EXOSC4: variants seen among roughly 807,000 people sequenced by gnomAD.
EXOSC4 encodes the protein exosome complex component RRP41.
EXOSC4 carries 14 observed loss-of-function variants against 20.0 expected under a neutral mutation model. The ratio of observed to expected loss-of-function variants is 0.70; its 90% CI spans 0.46 to 1.09. EXOSC4 has a LOEUF of 1.09. Among genes scored for constraint, EXOSC4 ranks in the 50% least tolerant of loss-of-function variants. EXOSC4 has a pLI of 0.00. For synonymous variants in EXOSC4, 148 were observed against 146.4 expected (o/e 1.01, Z -0.08); for missense variants, 337 against 334.0 (o/e 1.01, Z -0.07).
At chr8:144,067,687 T>C in the EXOSC4 span, among the ~76,000 whole-genome samples, 1 of 151,996 alleles carries the variant, frequency 6.6e-6, no homozygotes, top group African/African-American at 2.4e-5. Flanking sequence ...GAAGGTGAAA[T>C]AAAGACAGTT....
chr8:144,073,323 T>A, the EXOSC4 span, among the ~76,000 whole-genome samples: 1 of 152,058 alleles, frequency 6.6e-6, no homozygotes, highest in Non-Finnish European at 1.5e-5. Flanking sequence ...GAGGCGAAGA[T>A]TGCAGTGAGT....
the EXOSC4 span, among the ~76,000 whole-genome samples, chr8:144,066,700 T>C: frequency 6.6e-6 from 1 of 151,992 alleles, no homozygotes; most frequent in African/African-American, 2.4e-5. Context: ...CACCTTGGCC[T>C]CCCAAAGTGC....
At chr8:144,072,795 G>A in the EXOSC4 span, among the ~76,000 whole-genome samples, 17 of 152,306 alleles carry the variant, frequency 1.1e-4, no homozygotes, top group East Asian at 3.9e-4. Flanking sequence ...TTCATCCACC[G>A]ATGGACACGT....
Position 144,078,728 on chromosome 8 carries a change from C to G in EXOSC4, c.-1C>G. On this transcript the variant is annotated 5_prime_UTR_variant, in exon 1 of 3. Coordinates refer to ENST00000316052, the MANE Select transcript of EXOSC4 (RefSeq NM_019037.3). The surrounding 1 kb of genome is among the most constrained non-coding windows in gnomAD (Gnocchi z 4.7). ...GAGAGCGGACCTGGCGGCCGGGCAG[C>G]ATGGCGGGGCTGGAGCTCTTGTCGG... The G allele has an allele frequency of 1.4e-6, 2 of 1,452,784 alleles. No homozygotes were observed. The highest frequency in any genetic ancestry group is 1.8e-6 in the Non-Finnish European group (2 of 1,099,814). 90.0% of individuals were successfully genotyped at this position (1,452,784 alleles called of 1,614,324 possible).
At chr8:144,064,596 G>C in the EXOSC4 span, among the ~76,000 whole-genome samples, 1 of 152,208 alleles carries the variant, frequency 6.6e-6, no homozygotes. Flanking sequence ...GCCTGTTTCT[G>C]GGGGCACAGG....
chr8:144,074,804 C>T (rs1554762553), upstream of EXOSC4, among the ~76,000 whole-genome samples: 1 of 150,952 alleles, frequency 6.6e-6, no homozygotes, highest in African/African-American at 2.4e-5. Flanking sequence ...GGACACCTGG[C>T]CTCAAGCGAT....
the EXOSC4 span, among the ~76,000 whole-genome samples, chr8:144,064,142 T>G: frequency 6.6e-6 from 1 of 152,234 alleles, no homozygotes; most frequent in Admixed American, 6.5e-5. Flanking sequence ...AAATGGCCAG[T>G]GGGTGCCCAG....
chr8:144,078,927 G>A lies in EXOSC4; in HGVS notation c.171+28G>A. On this transcript the variant is annotated intron_variant, in intron 1 of 2. Coordinates refer to ENST00000316052, the MANE Select transcript of EXOSC4 (RefSeq NM_019037.3). This position sits in a 1 kb window ranked among gnomAD's most constrained non-coding sequence, Gnocchi z 4.7. ...GAGTGGGCGCGCGGGATGGGGAATC[G>A]TGTGGCCGTGGGAGCTGCGGGGCAG... 11 of 1,449,440 alleles carry A rather than the reference G, an allele frequency of 7.6e-6. No individual in the cohort carries two copies. Among genetic ancestry groups the A allele is most frequent in the Admixed American group, 2.6e-5 (1 of 38,506 alleles). The allele number at this position is 1,449,440 out of a possible 1,614,324, so 89.8% of individuals were successfully genotyped here.
chr8:144,079,982 C>G lies in EXOSC4; in HGVS notation c.211C>G (p.Leu71Val), dbSNP rs1554763249. 2 of 1,613,950 alleles carry G rather than the reference C, an allele frequency of 1.2e-6. No individual in the cohort carries two copies. The highest frequency in any genetic ancestry group is 8.5e-7 in the Non-Finnish European group (1 of 1,180,042). The change falls in exon 2 of 3, where the codon CTA becomes GTA. Residue 71 changes from leucine (L) to valine (V), a missense_variant. Leu to Val is a conservative substitution (Grantham distance 32, BLOSUM62 1). Coordinates refer to ENST00000316052, the MANE Select transcript of EXOSC4 (RefSeq NM_019037.3). ...SRARALPDRA[L>V]VNCQYSSATF... The stretch of plus-strand genomic sequence containing the variant: ...GGCTCGAGCCCTGCCGGACAGGGCC[C>G]TAGTGAACTGTCAATATAGTTCAGC...
At chr8:144,064,935 A>G in the EXOSC4 span, among the ~76,000 whole-genome samples, 12 of 142,078 alleles carry the variant, frequency 8.4e-5, no homozygotes, top group Admixed American at 1.5e-4. Flanking sequence ...TCCGCCTCCC[A>G]GGTTCACGCC....
chr8:144,077,932 C>T (rs1459938770), upstream of EXOSC4: 1 of 152,258 alleles, frequency 6.6e-6, no homozygotes, highest in Non-Finnish European at 1.5e-5. Context: ...CATCTGGCAG[C>T]AACTGTAGGA....
intron 1 of EXOSC4, chr8:144,079,125 C>T: frequency 2.2e-6 from 1 of 445,596 alleles, no homozygotes; most frequent in Non-Finnish European, 3.8e-6. Context: ...TTCCTCTTTG[C>T]GGCTCTTCAA....
the EXOSC4 span, among the ~76,000 whole-genome samples, chr8:144,066,301 G>A: frequency 2.0e-5 from 3 of 151,500 alleles, no homozygotes; most frequent in Admixed American, 2.0e-4. Flanking sequence ...TTACAGGCGT[G>A]AGCCACTGCA....
chr8:144,069,186 G>C, the EXOSC4 span, among the ~76,000 whole-genome samples: 2 of 152,224 alleles, frequency 1.3e-5, no homozygotes, highest in South Asian at 2.1e-4. Flanking sequence ...CCACCCCTGG[G>C]AGTCCAGAAG....
In EXOSC4 at chr8:144,080,583, TATCTTGCTG is replaced by T; in HGVS notation, c.721_729del (p.Ile241_Leu243del). Reference sequence around the variant, plus strand: ...TCCGGCAGCATGTGCGTGAGGCCTCTATCTTGCTGGGGGACTGACCACCCAGCCACCCAT... The same window carrying T: ...TCCGGCAGCATGTGCGTGAGGCCTCTGGGGACTGACCACCCAGCCACCCAT... On this transcript the variant is annotated inframe_deletion, in exon 3 of 3. Transcript: ENST00000316052. The surrounding 1 kb of genome is among the most constrained non-coding windows in gnomAD (Gnocchi z 4.9). 1 of 1,598,378 alleles carries T rather than the reference TATCTTGCTG, an allele frequency of 6.3e-7. No individual in the cohort carries two copies. Among genetic ancestry groups the T allele is most frequent in the Non-Finnish European group, 8.5e-7 (1 of 1,179,346 alleles).
At chr8:144,079,562 C>G (rs914254424) in intron 1 of EXOSC4, 6 of 374,452 alleles carry the variant, frequency 1.6e-5, no homozygotes, top group South Asian at 1.3e-4. Context: ...AACTCCAAAT[C>G]AGGTTGAGGG....
At chr8:144,065,575 A>C in the EXOSC4 span, among the ~76,000 whole-genome samples, 1 of 152,124 alleles carries the variant, frequency 6.6e-6, no homozygotes, top group South Asian at 2.1e-4. Context: ...CTAAAAAAAA[A>C]AATACAAAAA....
chr8:144,080,119 C>A lies in EXOSC4; in HGVS notation c.348C>A (p.His116Gln). 1 of 1,613,548 alleles carries A rather than the reference C, an allele frequency of 6.2e-7. No homozygotes were observed. Among genetic ancestry groups the A allele is most frequent in the Non-Finnish European group, 8.5e-7 (1 of 1,179,552 alleles). The change falls in exon 2 of 3, where the codon CAC becomes CAA. Residue 116 changes from histidine to glutamine, a missense_variant. His to Gln is a conservative substitution (Grantham distance 24). Coordinates refer to ENST00000316052, the MANE Select transcript of EXOSC4 (RefSeq NM_019037.3). The surrounding 1 kb of genome is among the most constrained non-coding windows in gnomAD (Gnocchi z 4.9). ...AAGCAGCCATCCTCACACAGCTGCA[C>A]CCACGCTCCCAGATTGATATCTATG... ...TFEAAILTQL[H>Q]PRSQIDIYVQ...
At chr8:144,078,521 C>A, upstream of EXOSC4, 1 of 450,788 alleles carries the variant, frequency 2.2e-6, no homozygotes, top group Non-Finnish European at 3.7e-6. The surrounding 1 kb of genome is among the most constrained non-coding windows in gnomAD (Gnocchi z 4.7). Flanking sequence ...CGGTGAACTC[C>A]AGTTCACCAG....
Sources: allele counts gnomAD v4.1 joint callset (sites outside exome capture counted in the v4.1 genomes callset), GRCh38; gene constraint gnomAD v4.1.1; non-coding constraint Gnocchi (gnomAD v3.1); transcripts MANE v1.5; gene names NCBI Gene and HGNC (gene_info 2026-07-23, HGNC 2026-07-21).